Variants in HNRNPK observed in about 807,000 individuals in gnomAD.
HNRNPK encodes the protein heterogeneous nuclear ribonucleoprotein K.
In HNRNPK, 7 loss-of-function variants were observed where a neutral mutation model predicts 67.0. The observed-to-expected ratio is 0.10, with a 90% CI of 0.06 to 0.20. HNRNPK has a LOEUF of 0.20. Ranked by LOEUF, HNRNPK falls within the 10% of genes least tolerant of loss-of-function variation. HNRNPK has a pLI of 1.00. For missense variants in HNRNPK, 264 were observed against 606.5 expected (o/e 0.44, Z 5.93); for synonymous variants, 213 against 193.7 (o/e 1.10, Z -0.83).
chr9:83,971,045 G>A (rs920067416), intron 13 of HNRNPK, 133 bp from the exon 14 acceptor site: 1 of 876,602 alleles, frequency 1.1e-6, no homozygotes, highest in African/African-American at 1.7e-5. Flanking sequence ...GGGCTCAAGT[G>A]ATCCTCCTGC....
rs1176195803 is a variant in HNRNPK at position 83,978,415 on chromosome 9, G to A, written c.-70C>T. 1.3e-5 allele frequency: 18 copies of A among 1,389,612 alleles called. No homozygotes were observed. Among genetic ancestry groups the A allele is most frequent in the Non-Finnish European group, 1.5e-5 (16 of 1,074,116 alleles). The allele number at this position is 1,389,612 out of a possible 1,614,324, so 86.1% of individuals were successfully genotyped here. A position where few individuals can be genotyped will look rare whatever the true frequency, so the allele number is the denominator to read the frequency against. On this transcript the variant is annotated 5_prime_UTR_variant, in exon 2 of 17. Coordinates refer to ENST00000376263, the MANE Select transcript of HNRNPK (RefSeq NM_031263.4). Reference sequence around the variant, plus strand: ...TGCAGAGCAGAACTGAAGCGTTCTGGGTCGGACCAACAACTGACACCCCAG... The same window carrying A: ...TGCAGAGCAGAACTGAAGCGTTCTGAGTCGGACCAACAACTGACACCCCAG...
At chr9:83,974,374 A>T in intron 7 of HNRNPK, 143 bp downstream of exon 7, 1 of 472,904 alleles carries the variant, frequency 2.1e-6, no homozygotes, top group East Asian at 3.3e-5. Context: ...TTACGCATGT[A>T]CAAAATTATG....
At chr9:83,978,073 G>T in intron 3 of HNRNPK, 122 bp downstream of exon 3, 1 of 665,464 alleles carries the variant, frequency 1.5e-6, no homozygotes, top group Non-Finnish European at 2.6e-6. Context: ...ACTGATAATC[G>T]CAGAATTACA....
chr9:83,971,803 C>T (rs1053047895), intron 11 of HNRNPK, 77 bp from the exon 12 acceptor site: 1 of 1,591,334 alleles, frequency 6.3e-7, no homozygotes, highest in African/African-American at 1.3e-5. Flanking sequence ...CCTTGTCTAC[C>T]ACTAAGTGCA....
chr9:83,969,090 G>A lies in HNRNPK; in HGVS notation c.*317C>T, dbSNP rs1956706236. 1 of 495,072 alleles carries A rather than the reference G, an allele frequency of 2.0e-6. No individual in the cohort carries two copies. The highest frequency in any genetic ancestry group is 3.6e-6 in the Non-Finnish European group (1 of 279,504). The allele number at this position is 495,072 out of a possible 1,614,324, so 30.7% of individuals were successfully genotyped here. A position where few individuals can be genotyped will look rare whatever the true frequency, so the allele number is the denominator to read the frequency against. On this transcript the variant is annotated 3_prime_UTR_variant, in exon 17 of 17. Transcript: ENST00000376263. ...GGTGTTCACAATAATTACATGGGGGGAATTTTTTAAACCACCAACAATAAC... is the reference window on the plus strand; with the variant it reads ...GGTGTTCACAATAATTACATGGGGGAAATTTTTTAAACCACCAACAATAAC...
intron 16 of HNRNPK, chr9:83,969,686 G>C: frequency 1.6e-6 from 1 of 609,542 alleles, no homozygotes; most frequent in Non-Finnish European, 3.0e-6. Context: ...ATATTTGGTA[G>C]AAAAGACAAA....
At chr9:83,980,341 G>C (rs771556258), upstream of HNRNPK, 1 of 152,322 alleles carries the variant, frequency 6.6e-6, no homozygotes, top group Admixed American at 6.5e-5. Flanking sequence ...TCAAGGCGAC[G>C]GAGGAGGCGA....
intron 5 of HNRNPK, chr9:83,976,459 T>C (rs1358884729): frequency 1.3e-5 from 2 of 152,286 alleles, no homozygotes; most frequent in African/African-American, 2.4e-5. Context: ...ATCATAGGCA[T>C]TGACGAACAG....
chr9:83,968,940 A>C lies in HNRNPK; in HGVS notation c.*467T>G, dbSNP rs1359209267. ...CACTAAATTTATTTTAAAAATCATA[A>C]AACGTTTCTTACAAAAGAGCATTAC... is the stretch of plus-strand genomic sequence containing the variant. On this transcript the variant is annotated 3_prime_UTR_variant, in exon 17 of 17. Transcript: ENST00000376263. 6.1e-6 allele frequency: 1 copy of C among 163,712 alleles called. No individual in the cohort carries two copies. The highest frequency in any genetic ancestry group is 1.3e-5 in the Non-Finnish European group (1 of 75,760). The allele number at this position is 163,712 out of a possible 1,614,324, so 10.1% of individuals were successfully genotyped here.
rs766355814 is a variant in HNRNPK at position 83,970,884 on chromosome 9, GGA to G, written c.1108+11_1108+12del. 2 of 1,612,398 alleles carry G rather than the reference GGA, an allele frequency of 1.2e-6. No individual in the cohort carries two copies. Among genetic ancestry groups the G allele is most frequent in the East Asian group, 2.2e-5 (1 of 44,848 alleles). On this transcript the variant is annotated intron_variant, in intron 14 of 16. Transcript: ENST00000376263. ...TGAAATTAATGTTTGACTTCACAAAGGAGAGAACTTACCATATCCGGAGCCAC... is the reference window on the plus strand; with the variant it reads ...TGAAATTAATGTTTGACTTCACAAAGGAGAACTTACCATATCCGGAGCCAC...
chr9:83,973,924 G>T lies in HNRNPK; in HGVS notation c.380C>A (p.Ser127Tyr). The T allele has an allele frequency of 6.2e-7, 1 of 1,613,818 alleles. No individual in the cohort carries two copies. The highest frequency in any genetic ancestry group is 8.5e-7 in the Non-Finnish European group (1 of 1,179,804). Residue 127 changes from serine (S) to tyrosine (Y), a missense_variant, in exon 8 of 17, where the codon TCT (serine) becomes TAT (tyrosine). Transcript: ENST00000376263. ...TACATTTAAGCATTCCACAGCATCAGATTCGAGCGGGAGCTGGCTGGTTGC... is the reference window on the plus strand; with the variant it reads ...TACATTTAAGCATTCCACAGCATCATATTCGAGCGGGAGCTGGCTGGTTGC... ...PTATSQLPLESDAVECLNYQH... is the reference protein window; with the variant it reads ...PTATSQLPLEYDAVECLNYQH...
At position 83,972,029 on chromosome 9, in the gene HNRNPK, C is replaced by T; in HGVS notation, c.806G>A (p.Gly269Asp). The change falls in exon 11 of 17, where the codon GGT becomes GAT. Residue 269 changes from glycine (G) to aspartate (D), a missense_variant. Physicochemically the swap from Gly to Asp is moderately conservative, Grantham distance 94. Around this residue, in one of 6 missense-constraint regions of HNRNPK, gnomAD observed 142 missense variants for 256.5 expected, o/e 0.55. Coordinates refer to ENST00000376263, the MANE Select transcript of HNRNPK (RefSeq NM_031263.4). The stretch of plus-strand genomic sequence containing the variant: ...TCTAGATGGAGGCATGGGACGCCCA[C>T]CCCGACCAGGAGGCATTCTGTCAAA... ...GGFDRMPPGRGGRPMPPSRRD... is the reference protein window; with the variant it reads ...GGFDRMPPGRDGRPMPPSRRD... 6.2e-7 allele frequency: 1 copy of T among 1,613,900 alleles called. No homozygotes were observed. The highest frequency in any genetic ancestry group is 1.3e-5 in the African/African-American group (1 of 75,034).
chr9:83,977,113 G>T, intron 4 of HNRNPK, 62 bp from the exon 5 acceptor site: 1 of 1,148,998 alleles, frequency 8.7e-7, no homozygotes. Flanking sequence ...AGCTACCTAC[G>T]CTCTTAGATT....
At chr9:83,973,814 A>G (rs527769808) in intron 8 of HNRNPK, 88 bp downstream of exon 8, 12 of 974,386 alleles carry the variant, frequency 1.2e-5, no homozygotes, top group East Asian at 1.2e-4. Context: ...TTCTATAGAG[A>G]TGGGAAAAGC....
chr9:83,971,712 T>C lies in HNRNPK; in HGVS notation c.968A>G (p.Tyr323Cys), dbSNP rs1339432720. The C allele has an allele frequency of 3.7e-6, 6 of 1,613,972 alleles. No homozygotes were observed. Among genetic ancestry groups the C allele is most frequent in the South Asian group, 1.1e-5 (1 of 91,072 alleles). Residue 323 changes from tyrosine to cysteine, a missense_variant, in exon 12 of 17, where the codon TAT (tyrosine) becomes TGT (cysteine). Physicochemically the swap from Tyr to Cys is radical, Grantham distance 194 (BLOSUM62 -2). Coordinates refer to ENST00000376263, the MANE Select transcript of HNRNPK (RefSeq NM_031263.4). ...GTCTCCAGGTCTCCCTCTTCTGTCA[T>C]AGGCCATGAGGTCTCTGCAAGCATA... is the stretch of plus-strand genomic sequence containing the variant. ...PPPRGGDLMAYDRRGRPGDRY... is the reference protein window; with the variant it reads ...PPPRGGDLMACDRRGRPGDRY...
At chr9:83,977,108 C>A in intron 4 of HNRNPK, 57 bp from the exon 5 acceptor site, 2 of 1,200,488 alleles carry the variant, frequency 1.7e-6, no homozygotes, top group Non-Finnish European at 2.5e-6. Context: ...TTAATAGCTA[C>A]CTACGCTCTT....
chr9:83,971,370 A>G lies in HNRNPK; in HGVS notation c.1009-14T>C. 3.9e-6 allele frequency: 6 copies of G among 1,536,728 alleles called. No individual in the cohort carries two copies. The highest frequency in any genetic ancestry group is 5.4e-6 in the Non-Finnish European group (6 of 1,109,790). ...ACTGAAACCAACCTGTTAGAGATAA[A>G]AACATTAACATGAACCCGCATTGTA... is the stretch of plus-strand genomic sequence containing the variant. On this transcript the variant is annotated splice_polypyrimidine_tract_variant and intron_variant, in intron 12 of 16. Transcript: ENST00000376263.
intron 7 of HNRNPK, 24 bp downstream of exon 7, chr9:83,974,493 A>T (rs762639579): frequency 8.3e-7 from 1 of 1,205,970 alleles, no homozygotes; most frequent in Non-Finnish European, 1.2e-6. Flanking sequence ...ATTGTCAAAT[A>T]CATTTAAAAA....
In HNRNPK at chr9:83,970,446, C is replaced by G. The variant is rs112635088; in HGVS notation, c.1192-115G>C. The G allele has an allele frequency of 1.0e-4, 80 of 789,678 alleles. 3 individuals carry two copies. The Middle Eastern group carries it at 1.0e-3, about 10-fold the overall frequency. The allele number at this position is 789,678 out of a possible 1,614,324, so 48.9% of individuals were successfully genotyped here. A position where few individuals can be genotyped will look rare whatever the true frequency, so the allele number is the denominator to read the frequency against. On this transcript the variant is annotated intron_variant, in intron 15 of 16. Transcript: ENST00000376263. ...TTCATTCAGAATCTTAACTGATGAT[C>G]TAACGCTCCCTAAACCTGTCAAGGT...
Sources: allele counts gnomAD v4.1 joint callset, GRCh38; gene constraint gnomAD v4.1.1; regional missense constraint gnomAD v4.1.1; transcripts MANE v1.5; gene names NCBI Gene and HGNC (gene_info 2026-07-23, HGNC 2026-07-21).